Variants in EVC observed in about 807,000 individuals in gnomAD.
The protein encoded by EVC is evC complex member EVC.
EVC carries 116 observed loss-of-function variants against 118.9 expected under a neutral mutation model. The ratio of observed to expected loss-of-function variants is 0.98; its 90% CI spans 0.84 to 1.14. The LOEUF is 1.14. Among genes scored for constraint, EVC ranks in the 50% most tolerant of loss-of-function variants. The pLI is 0.00. For synonymous variants in EVC, 619 were observed against 534.7 expected, an observed-to-expected ratio of 1.16 and a Z score of -2.18; for missense variants, 1,401 against 1,246.4, an observed-to-expected ratio of 1.12 and a Z score of -1.87.
chr4:5,794,315 T>TATATATATG (rs1160826552), intron 13 of EVC, among the ~76,000 whole-genome samples: 2 of 131,766 alleles, frequency 1.5e-5, no homozygotes, highest in African/African-American at 6.0e-5. Flanking sequence ...TTTTATATAT[T>TATATATATG]TATATATATT....
At chr4:5,724,972 C>T (rs1013229479) in intron 2 of EVC, among the ~76,000 whole-genome samples, 4 of 152,006 alleles carry the variant, frequency 2.6e-5, no homozygotes, top group Admixed American at 1.3e-4. Flanking sequence ...TGAGAACATG[C>T]GGTGTTTGGT....
rs1716903641 is a variant in EVC at position 5,811,515 on chromosome 4, G to C, written c.*478G>C. 4.9e-6 allele frequency: 1 copy of C among 203,476 alleles called. No individual in the cohort carries two copies. The highest frequency in any genetic ancestry group is 2.4e-5 in the African/African-American group (1 of 42,464). The allele number at this position is 203,476 out of a possible 1,614,324, so 12.6% of individuals were successfully genotyped here. ...TGGCCCAACCCTCACTTCACCTGGG[G>C]AGGGGCTTCTTCCGGACAGTAGACA... On this transcript the variant is annotated 3_prime_UTR_variant, in exon 21 of 21. Transcript: ENST00000264956.
rs1463090569 is a variant in EVC at position 5,789,677 on chromosome 4, C to T, written c.1777-3931C>T. Among the ~76,000 whole-genome samples, 2 of 152,210 alleles carry T rather than the reference C, an allele frequency of 1.3e-5. No homozygotes were observed. The highest frequency in any genetic ancestry group is 2.1e-4 in the South Asian group (1 of 4,818). ...GGTAGCAATGACCAGCACTCTAGCC[C>T]GAGGAAGCACCTCTTCTGAATGTAA... On this transcript the variant is annotated intron_variant, in intron 12 of 20. Coordinates refer to ENST00000264956, the MANE Select transcript of EVC (RefSeq NM_153717.3). The surrounding 1 kb of genome is among the most constrained non-coding windows in gnomAD (Gnocchi z 4.3).
intron 11 of EVC, among the ~76,000 whole-genome samples, chr4:5,772,321 T>C (rs1472088262): frequency 1.3e-5 from 2 of 151,958 alleles, no homozygotes; most frequent in East Asian, 3.9e-4. Flanking sequence ...CACAACCATC[T>C]TACCTCCCTG....
intron 17 of EVC, among the ~76,000 whole-genome samples, chr4:5,806,836 C>G (rs1446386820): frequency 6.6e-6 from 1 of 152,180 alleles, no homozygotes; most frequent in African/African-American, 2.4e-5. Context: ...TCTCCACATC[C>G]TCACCAAGTG....
the EVC span, chr4:5,828,756 C>A: frequency 6.9e-7 from 1 of 1,441,160 alleles, no homozygotes; most frequent in Non-Finnish European, 9.4e-7. Context: ...AACATTATAT[C>A]ATAAGCGTGT....
chr4:5,798,088 G>A lies in EVC; in HGVS notation c.2098-498G>A, dbSNP rs913686333. ...GCTCCGAGGAGCAGGCAGGACTCAC[G>A]GACCTCGCTACAGCCCCGCTCACTT... On this transcript the variant is annotated intron_variant, in intron 14 of 20. Transcript: ENST00000264956. The surrounding 1 kb of genome is among the most constrained non-coding windows in gnomAD (Gnocchi z 4.1). 4.6e-5 allele frequency among the ~76,000 whole-genome samples: 7 copies of A among 152,254 alleles called. No individual in the cohort carries two copies. The highest frequency in any genetic ancestry group is 7.2e-5 in the African/African-American group (3 of 41,550).
At chr4:5,759,484 C>G (rs73795065) in intron 11 of EVC, among the ~76,000 whole-genome samples, 1,787 of 152,162 alleles carry the variant, frequency 0.012, 34 homozygotes, top group African/African-American at 0.04. Flanking sequence ...GAGGTGAGCC[C>G]AGGTGGCCCA....
chr4:5,715,597 C>T (rs1723801081), intron 1 of EVC, among the ~76,000 whole-genome samples: 1 of 152,010 alleles, frequency 6.6e-6, no homozygotes, highest in African/African-American at 2.4e-5. Context: ...CCTTCAGTAG[C>T]TTTTTCAAAA....
At chr4:5,827,723 A>G in the EVC span, among the ~76,000 whole-genome samples, 3 of 135,820 alleles carry the variant, frequency 2.2e-5, no homozygotes, top group Admixed American at 1.4e-4. Context: ...ACATACACAC[A>G]TGTGCGCGTG....
chr4:5,760,401 A>C (rs1731825458), intron 11 of EVC, among the ~76,000 whole-genome samples: 1 of 152,066 alleles, frequency 6.6e-6, no homozygotes, highest in Non-Finnish European at 1.5e-5. Flanking sequence ...TTAACGTAAC[A>C]TCAGGAGAGG....
At chr4:5,771,019 AAAAG>A (rs1733865533) in intron 11 of EVC, among the ~76,000 whole-genome samples, 1 of 151,976 alleles carries the variant, frequency 6.6e-6, no homozygotes, top group African/African-American at 2.4e-5. Context: ...TTCAAAAAAA[AAAAG>A]AAAAGAAAAT....
chr4:5,732,986 G>A (rs936916062), intron 4 of EVC, among the ~76,000 whole-genome samples: 4 of 152,174 alleles, frequency 2.6e-5, no homozygotes, highest in African/African-American at 7.2e-5. Flanking sequence ...CTCCAGCCTG[G>A]GAGACAGAGC....
intron 13 of EVC, among the ~76,000 whole-genome samples, chr4:5,794,341 A>G (rs1238185513): frequency 8.3e-6 from 1 of 120,074 alleles, no homozygotes; most frequent in African/African-American, 3.6e-5. Context: ...ATATTTATAT[A>G]CTTATATATA....
chr4:5,786,765 G>A (rs1354223758), intron 12 of EVC, among the ~76,000 whole-genome samples: 8 of 151,924 alleles, frequency 5.3e-5, no homozygotes, highest in South Asian at 2.1e-4. Context: ...CCAGCTACTC[G>A]GGAGGCTGAG....
intron 11 of EVC, among the ~76,000 whole-genome samples, chr4:5,764,731 G>A (rs1426920478): frequency 1.0e-4 from 15 of 145,664 alleles, no homozygotes; most frequent in South Asian, 4.7e-4. Context: ...TTGTATTTCT[G>A]TGGGATCGGT....
At chr4:5,732,059 T>G (rs1000495933) in intron 4 of EVC, among the ~76,000 whole-genome samples, 1 of 152,214 alleles carries the variant, frequency 6.6e-6, no homozygotes, top group Non-Finnish European at 1.5e-5. Context: ...CAGTAAATAT[T>G]AATCAGTGAG....
chr4:5,802,868 T>C (rs982859352), intron 16 of EVC, among the ~76,000 whole-genome samples: 31 of 152,118 alleles, frequency 2.0e-4, no homozygotes, highest in Admixed American at 1.8e-3. Flanking sequence ...CAGGGACCAG[T>C]ACTAGTCTGT....
intron 2 of EVC, among the ~76,000 whole-genome samples, chr4:5,727,985 A>G (rs935354636): frequency 1.1e-4 from 16 of 150,806 alleles, no homozygotes; most frequent in African/African-American, 2.9e-4. Context: ...GACTTGTAGT[A>G]TAGTTTGAAG....
Sources: allele counts gnomAD v4.1 joint callset (sites outside exome capture counted in the v4.1 genomes callset), GRCh38; gene constraint gnomAD v4.1.1; non-coding constraint Gnocchi (gnomAD v3.1); transcripts MANE v1.5; gene names NCBI Gene and HGNC (gene_info 2026-07-23, HGNC 2026-07-21).